TP63: variants seen among roughly 807,000 people sequenced by gnomAD.
TP63 encodes the protein tumor protein 63.
TP63 carries 17 observed loss-of-function variants against 82.8 expected under a neutral mutation model. The ratio of observed to expected loss-of-function variants is 0.21; its 90% CI spans 0.14 to 0.31. The LOEUF (loss-of-function observed/expected upper bound fraction) is 0.31, where lower values mean the gene tolerates loss of function less well. TP63 is among the 10% of genes least tolerant of loss of function. The pLI is 1.00. For synonymous variants in TP63, 330 were observed against 321.7 expected (o/e 1.03, Z -0.28); for missense variants, 648 against 895.3 (o/e 0.72, Z 3.52).
intron 1 of TP63, among the ~76,000 whole-genome samples, chr3:189,660,611 A>G (rs1713788357): frequency 6.6e-6 from 1 of 152,104 alleles, no homozygotes; most frequent in Admixed American, 6.6e-5. Context: ...TGACTTTGGT[A>G]GTTTGATAAG....
At chr3:189,659,973 CTG>C (rs1349876454) in intron 1 of TP63, among the ~76,000 whole-genome samples, 4 of 151,760 alleles carry the variant, frequency 2.6e-5, no homozygotes, top group Non-Finnish European at 4.4e-5. Context: ...TATATATAGT[CTG>C]TGAATATTTT....
At chr3:189,635,137 T>C (rs1052311859) in intron 1 of TP63, among the ~76,000 whole-genome samples, 1 of 152,158 alleles carries the variant, frequency 6.6e-6, no homozygotes, top group East Asian at 1.9e-4. Flanking sequence ...ATATTTTGTA[T>C]TGTTTCTTCT....
intron 1 of TP63, among the ~76,000 whole-genome samples, chr3:189,640,492 G>T (rs971150770): frequency 1.3e-5 from 2 of 152,016 alleles, no homozygotes; most frequent in Non-Finnish European, 2.9e-5. Flanking sequence ...TGCAAATGTG[G>T]TCCATTGTAA....
At chr3:189,764,709 C>T (rs774665661) in intron 3 of TP63, among the ~76,000 whole-genome samples, 6 of 152,178 alleles carry the variant, frequency 3.9e-5, no homozygotes, top group Non-Finnish European at 8.8e-5. Context: ...GTTTACTTAT[C>T]ATCCTCCCAA....
At chr3:189,808,914 G>A (rs896595642) in intron 4 of TP63, among the ~76,000 whole-genome samples, 1 of 152,078 alleles carries the variant, frequency 6.6e-6, no homozygotes, top group African/African-American at 2.4e-5. Context: ...AGAAGTAAGT[G>A]TCACATTAAG....
chr3:189,621,988 C>A, the TP63 span, among the ~76,000 whole-genome samples: 5 of 152,208 alleles, frequency 3.3e-5, no homozygotes, highest in African/African-American at 1.2e-4. Context: ...AGAGATGTTG[C>A]TGTAAACAAG....
At chr3:189,601,851 C>CG in the TP63 span, among the ~76,000 whole-genome samples, 5 of 152,186 alleles carry the variant, frequency 3.3e-5, no homozygotes, top group African/African-American at 9.7e-5. Context: ...ACGTAGCCAA[C>CG]TTCCAGCTTC....
At chr3:189,613,277 C>T in the TP63 span, among the ~76,000 whole-genome samples, 3 of 152,222 alleles carry the variant, frequency 2.0e-5, no homozygotes, top group South Asian at 4.1e-4. Context: ...CCTTCTGTCC[C>T]AGCTGCTCCA....
At chr3:189,645,275 C>T in intron 1 of TP63, 1 of 395,376 alleles carries the variant, frequency 2.5e-6, no homozygotes, top group Non-Finnish European at 4.9e-6. Flanking sequence ...GCAGCACCTT[C>T]CACACACCCT....
At chr3:189,839,130 T>C (rs1468329175) in intron 4 of TP63, among the ~76,000 whole-genome samples, 1 of 152,040 alleles carries the variant, frequency 6.6e-6, no homozygotes, top group Non-Finnish European at 1.5e-5. Context: ...TGAAATCCAT[T>C]TGCTACTCAT....
At chr3:189,672,868 T>G (rs899559197) in intron 1 of TP63, among the ~76,000 whole-genome samples, 1 of 151,986 alleles carries the variant, frequency 6.6e-6, no homozygotes, top group South Asian at 2.1e-4. Flanking sequence ...CTAGCAAGAT[T>G]AATCAAAAAA....
chr3:189,751,012 C>T (rs1721779363), intron 3 of TP63, among the ~76,000 whole-genome samples: 1 of 152,058 alleles, frequency 6.6e-6, no homozygotes, highest in African/African-American at 2.4e-5. Flanking sequence ...ATGTTCCCTG[C>T]CCTGTGTCCA....
chr3:189,784,340 G>A (rs770222142), intron 3 of TP63, among the ~76,000 whole-genome samples: 1 of 152,020 alleles, frequency 6.6e-6, no homozygotes. Flanking sequence ...ATTGAAGAAG[G>A]ATAAATACAG....
chr3:189,724,171 A>G (rs1313389502), intron 1 of TP63, among the ~76,000 whole-genome samples: 2 of 152,082 alleles, frequency 1.3e-5, no homozygotes, highest in Non-Finnish European at 2.9e-5. Context: ...CATCCATTCA[A>G]CAAATGTTTA....
At chr3:189,613,387 G>T in the TP63 span, among the ~76,000 whole-genome samples, 2 of 151,776 alleles carry the variant, frequency 1.3e-5, no homozygotes, top group African/African-American at 4.8e-5. Flanking sequence ...GCCTGCCAGT[G>T]CAGAGAAGTA....
At chr3:189,793,441 A>C (rs201333153) in intron 3 of TP63, among the ~76,000 whole-genome samples, 1 of 152,082 alleles carries the variant, frequency 6.6e-6, no homozygotes, top group East Asian at 1.9e-4. Flanking sequence ...AGTTGCTAAA[A>C]CATTCCTCAA....
At chr3:189,823,519 G>C (rs1729015645) in intron 4 of TP63, among the ~76,000 whole-genome samples, 1 of 152,156 alleles carries the variant, frequency 6.6e-6, no homozygotes, top group African/African-American at 2.4e-5. Flanking sequence ...CCAGGGGAAG[G>C]ACAGAGGTGA....
At chr3:189,719,423 T>C (rs532428115) in intron 1 of TP63, among the ~76,000 whole-genome samples, 1 of 152,348 alleles carries the variant, frequency 6.6e-6, no homozygotes, top group East Asian at 1.9e-4. Context: ...GCATCCGATG[T>C]ATCAGAAATC....
intron 3 of TP63, among the ~76,000 whole-genome samples, chr3:189,744,369 C>T (rs572475659): frequency 1.4e-3 from 210 of 152,296 alleles, no homozygotes; most frequent in African/African-American, 1.9e-3. Flanking sequence ...TCTGGCCTCC[C>T]GGGGGATCAC....
Sources: allele counts gnomAD v4.1 joint callset (sites outside exome capture counted in the v4.1 genomes callset), GRCh38; gene constraint gnomAD v4.1.1; transcripts MANE v1.5; gene names NCBI Gene and HGNC (gene_info 2026-07-23, HGNC 2026-07-21).